SPANXN2: variants seen among roughly 807,000 people sequenced by gnomAD.
SPANXN2 encodes the protein sperm protein associated with the nucleus on the X chromosome N2.
Under a neutral mutation model 2.0 loss-of-function variants are expected in SPANXN2, and 1 was observed. The observed-to-expected ratio is 0.50, with a 90% CI of 0.18 to 2.36. The LOEUF (loss-of-function observed/expected upper bound fraction) is 2.36. Among genes scored for constraint, SPANXN2 ranks in the 30% most tolerant of loss-of-function variants. SPANXN2 has a pLI of 0.26. For missense variants in SPANXN2, 88 were observed against 116.7 expected, an observed-to-expected ratio of 0.75 and a Z score of 1.13; for synonymous variants, 43 against 49.8, an observed-to-expected ratio of 0.86 and a Z score of 0.58.
exon 2 of SPANXN2, chrX:143,712,427 T>A (rs1441532614): frequency 6.6e-6 from 8 of 1,211,198 alleles, no homozygotes; most frequent in South Asian, 1.8e-5. Context: ...ACTATTATTG[T>A]TAGATATTCT....
chrX:143,714,447 C>T (rs782093649), intron 1 of SPANXN2, among the ~76,000 whole-genome samples: 1 of 111,395 alleles, frequency 9.0e-6, no homozygotes, highest in African/African-American at 3.3e-5. Flanking sequence ...TTTATGGGTG[C>T]CCAGGTCCAT....
intron 1 of SPANXN2, among the ~76,000 whole-genome samples, chrX:143,717,363 A>C (rs377259929): frequency 2.7e-5 from 3 of 112,067 alleles, no homozygotes; most frequent in East Asian, 5.7e-4. Context: ...ACCAAAGGCC[A>C]CCATTATCCA....
chrX:143,715,946 G>A (rs1556449644), intron 1 of SPANXN2, among the ~76,000 whole-genome samples: 1 of 111,428 alleles, frequency 9.0e-6, no homozygotes, highest in African/African-American at 3.3e-5. Flanking sequence ...GCTTACCAAA[G>A]TCTTTTTGCT....
At chrX:143,715,484 C>A (rs1602679399) in intron 1 of SPANXN2, among the ~76,000 whole-genome samples, 1 of 110,018 alleles carries the variant, frequency 9.1e-6, no homozygotes, top group South Asian at 4.0e-4. Context: ...CTCTGACACC[C>A]AAACGCTTCC....
chrX:143,712,164 G>A (rs782577569), exon 2 of SPANXN2: 3 of 1,182,528 alleles, frequency 2.5e-6, no homozygotes, highest in Non-Finnish European at 2.3e-6. Flanking sequence ...CCAGGTCTTC[G>A]TCCTCCTGTG....
chrX:143,714,390 A>AAT (rs781824562), intron 1 of SPANXN2, among the ~76,000 whole-genome samples: 2 of 111,223 alleles, frequency 1.8e-5, no homozygotes, highest in East Asian at 5.7e-4. Context: ...CATGACATAT[A>AAT]TGTCATCCTC....
intron 1 of SPANXN2, among the ~76,000 whole-genome samples, chrX:143,716,793 C>T (rs1161807068): frequency 4.5e-5 from 5 of 112,199 alleles, no homozygotes; most frequent in Admixed American, 1.9e-4. Context: ...CCATTATCTA[C>T]AGGACCTCAT....
chrX:143,719,237 T>C (rs1444565835), intron 1 of SPANXN2, among the ~76,000 whole-genome samples: 1 of 110,850 alleles, frequency 9.0e-6, no homozygotes, highest in Non-Finnish European at 1.9e-5. Context: ...ATACCTCTTA[T>C]CAACCCCTCC....
chrX:143,712,467 G>A (rs782686998), exon 2 of SPANXN2: 3 of 1,211,674 alleles, frequency 2.5e-6, no homozygotes, highest in East Asian at 5.9e-5. Flanking sequence ...AGCTCTGTTT[G>A]GGGGCTAAGA....
chrX:143,712,045 C>T, exon 2 of SPANXN2: 1 of 1,212,292 alleles, frequency 8.2e-7, no homozygotes, highest in Non-Finnish European at 1.1e-6. Context: ...CTAGTCCTCC[C>T]CACCCTCCTG....
intron 1 of SPANXN2, among the ~76,000 whole-genome samples, chrX:143,717,641 C>T (rs1221815498): frequency 5.4e-5 from 6 of 112,087 alleles, no homozygotes; most frequent in African/African-American, 1.3e-4. Context: ...ATTTCCATGC[C>T]GGTTACTGCC....
At position 143,716,596 on chromosome X, in the gene SPANXN2, G is replaced by A. The variant is rs185614963; in HGVS notation, c.78+3995C>T. 1.6e-4 allele frequency among the ~76,000 whole-genome samples: 18 copies of A among 111,869 alleles called. No individual in the cohort carries two copies. The East Asian group carries it at 1.7e-3, about 11-fold the overall frequency. On this transcript the variant is annotated intron_variant, in intron 1 of 1. Coordinates refer to ENST00000598475, the Ensembl canonical transcript of SPANXN2. ...ACTTTCTATGTACATTCTGACCAGC[G>A]CCTTGCCCTTGGACTACTCTGCCAA...
intron 1 of SPANXN2, among the ~76,000 whole-genome samples, 165 bp downstream of exon 1, chrX:143,720,426 A>C (rs851095): frequency 0.48 from 39,195 of 81,827 alleles, 9,473 homozygotes; most frequent in East Asian, 0.74. Context: ...CCTCCCACCC[A>C]TACCTATAAG....
intron 1 of SPANXN2, among the ~76,000 whole-genome samples, chrX:143,718,180 A>T (rs1326241730): frequency 8.9e-6 from 1 of 111,807 alleles, no homozygotes; most frequent in Non-Finnish European, 1.9e-5. Flanking sequence ...ATTGTTCCTC[A>T]TGCGATTATG....
At chrX:143,718,477 G>C (rs1291402446) in intron 1 of SPANXN2, among the ~76,000 whole-genome samples, 1 of 111,236 alleles carries the variant, frequency 9.0e-6, no homozygotes, top group Non-Finnish European at 1.9e-5. Flanking sequence ...TTCTCACCAG[G>C]TGATGCTAAC....
chrX:143,712,416 C>A (rs1932178769), exon 2 of SPANXN2: 1 of 1,211,162 alleles, frequency 8.3e-7, no homozygotes, highest in African/African-American at 1.7e-5. Flanking sequence ...TGTAGTAATA[C>A]ACTATTATTG....
chrX:143,712,892 G>A (rs782025298), intron 1 of SPANXN2, among the ~76,000 whole-genome samples: 310 of 111,315 alleles, frequency 2.8e-3, no homozygotes, highest in African/African-American at 9.4e-3. Flanking sequence ...ATATTCCACT[G>A]GAAAAAGGGC....
At chrX:143,715,733 C>T (rs782115177) in intron 1 of SPANXN2, among the ~76,000 whole-genome samples, 105 of 106,699 alleles carry the variant, frequency 9.8e-4, no homozygotes, top group African/African-American at 3.3e-3. Flanking sequence ...TAACTCTCCC[C>T]ACAACACCCC....
At chrX:143,717,652 C>T (rs1410192415) in intron 1 of SPANXN2, among the ~76,000 whole-genome samples, 4 of 112,000 alleles carry the variant, frequency 3.6e-5, no homozygotes, top group African/African-American at 1.3e-4. Context: ...GGTTACTGCC[C>T]CTACTCCAGC....
Sources: allele counts gnomAD v4.1 joint callset (sites outside exome capture counted in the v4.1 genomes callset), GRCh38; gene constraint gnomAD v4.1.1; transcripts MANE v1.5; gene names NCBI Gene and HGNC (gene_info 2026-07-23, HGNC 2026-07-21).